PKHD1L1: variants seen among roughly 807,000 people sequenced by gnomAD.
PKHD1L1 encodes PKHD1 like 1.
PKHD1L1 carries 434 observed loss-of-function variants against 462.9 expected under a neutral mutation model. The ratio of observed to expected loss-of-function variants is 0.94; its 90% CI spans 0.87 to 1.02. The LOEUF (loss-of-function observed/expected upper bound fraction) is 1.02, where lower values mean the gene tolerates loss of function less well. Among genes scored for constraint, PKHD1L1 ranks in the 50% least tolerant of loss-of-function variants. The probability of loss-of-function intolerance (pLI) is 0.00; values close to 1 mark genes in which losing one functional copy is unlikely to be tolerated. For missense variants in PKHD1L1, 5,202 were observed against 5,096.1 expected, an observed-to-expected ratio of 1.02 and a Z score of -0.63; for synonymous variants, 1,781 against 1,750.0, an observed-to-expected ratio of 1.02 and a Z score of -0.44.
At chr8:109,420,921 T>A (rs1192828989) in intron 23 of PKHD1L1, among the ~76,000 whole-genome samples, 1 of 152,046 alleles carries the variant, frequency 6.6e-6, no homozygotes, top group Admixed American at 6.6e-5. Context: ...AAAGTCATAT[T>A]TAAGTAGAGT....
In PKHD1L1 at chr8:109,440,806, G is replaced by C. The variant is rs886276282; in HGVS notation, c.4053G>C (p.Arg1351Ser). The C allele has an allele frequency of 6.2e-7, 1 of 1,613,012 alleles. No individual in the cohort carries two copies. Among genetic ancestry groups the C allele is most frequent in the Non-Finnish European group, 8.5e-7 (1 of 1,179,260 alleles). ...SLFGGTEITI[R>S]GFGFSTIPAE... is the part of the protein sequence containing the mutation. ...TTGGTGGAACTGAAATCACCATAAG[G>C]GGTTTTGGATTCAGCACAATACCAG... Residue 1351 changes from arginine to serine, a missense_variant, in exon 33 of 78, where the codon AGG becomes AGC. By Grantham distance (110) the Arg-to-Ser change is moderately radical. Coordinates refer to ENST00000378402, the MANE Select transcript of PKHD1L1 (RefSeq NM_177531.6).
At chr8:109,362,708 C>T in intron 1 of PKHD1L1, 55 bp downstream of exon 1, 2 of 1,534,464 alleles carry the variant, frequency 1.3e-6, no homozygotes, top group Non-Finnish European at 1.8e-6. Context: ...GTAGACACTA[C>T]CCCTGCTCCC....
chr8:109,462,734 G>A (rs183113288), intron 48 of PKHD1L1, among the ~76,000 whole-genome samples: 1 of 152,172 alleles, frequency 6.6e-6, no homozygotes, highest in East Asian at 1.9e-4. Context: ...TAGAGACGGA[G>A]TTTCACCATG....
chr8:109,462,036 C>G, intron 48 of PKHD1L1, 128 bp downstream of exon 48: 1 of 1,146,490 alleles, frequency 8.7e-7, no homozygotes, highest in Non-Finnish European at 1.2e-6. Context: ...CATAAGTAAA[C>G]AATTTTAATA....
chr8:109,365,986 A>T (rs1326862239), intron 2 of PKHD1L1, among the ~76,000 whole-genome samples: 1 of 152,162 alleles, frequency 6.6e-6, no homozygotes, highest in Non-Finnish European at 1.5e-5. Context: ...GAAGAAGAAG[A>T]AAAAAAGAAA....
Position 109,497,379 on chromosome 8 carries a change from G to GCC in PKHD1L1, c.10599+109_10599+110dup. The GCC allele has an allele frequency of 5.5e-6, 7 of 1,278,620 alleles. No homozygotes were observed. The South Asian group carries it at 1.1e-4, about 20-fold the overall frequency. 79.2% of individuals were successfully genotyped at this position (1,278,620 alleles called of 1,614,324 possible). A position where few individuals can be genotyped will look rare whatever the true frequency, so the allele number is the denominator to read the frequency against. ...TCTCCTTAACTTCTATCTCTGTCTCGCCCACACCTCCCTGCCTTTGTTCCC... is the reference window on the plus strand; with the variant it reads ...TCTCCTTAACTTCTATCTCTGTCTCGCCCCCACACCTCCCTGCCTTTGTTCCC... On this transcript the variant is annotated intron_variant, in intron 65 of 77. Transcript: ENST00000378402.
At chr8:109,420,714 T>C in intron 23 of PKHD1L1, 24 bp downstream of exon 23, 1 of 1,467,022 alleles carries the variant, frequency 6.8e-7, no homozygotes, top group East Asian at 2.5e-5. Flanking sequence ...TTTGCATTAA[T>C]TTTTATGTAG....
In PKHD1L1 at chr8:109,523,321, G is replaced by T. The variant is rs1312194991; in HGVS notation, c.12419G>T (p.Gly4140Val). 6.2e-7 allele frequency: 1 copy of T among 1,612,970 alleles called. No individual in the cohort carries two copies. The highest frequency in any genetic ancestry group is 1.1e-5 in the South Asian group (1 of 91,052). Residue 4140 changes from glycine (G) to valine (V), a missense_variant, in exon 76 of 78, where the codon GGA becomes GTA. By Grantham distance (109) the Gly-to-Val change is moderately radical (BLOSUM62 -3). This residue lies in a region of PKHD1L1 where 698 missense variants were observed against 736.3 expected (regional missense o/e 0.95). Transcript: ENST00000378402. Reference sequence around the variant, plus strand: ...AATAACCAAGTCAATGGCCTTAGTGGAAATACAACAATTCCGTTTAGCAGC... The same window carrying T: ...AATAACCAAGTCAATGGCCTTAGTGTAAATACAACAATTCCGTTTAGCAGC... ...SNNNQVNGLS[G>V]NTTIPFSSCW...
At chr8:109,477,149 A>C (rs958250140) in intron 52 of PKHD1L1, 76 bp from the exon 53 acceptor site, 12 of 1,491,108 alleles carry the variant, frequency 8.0e-6, no homozygotes, top group Non-Finnish European at 1.1e-5. Flanking sequence ...AACATTTTCC[A>C]AAATTCCATA....
intron 12 of PKHD1L1, among the ~76,000 whole-genome samples, chr8:109,399,278 T>C (rs1813131197): frequency 6.6e-6 from 1 of 152,194 alleles, no homozygotes; most frequent in South Asian, 2.1e-4. Context: ...CACTAGACAC[T>C]GCTTCTGTGA....
At chr8:109,407,985 T>C (rs1416422952) in intron 17 of PKHD1L1, 64 bp from the exon 18 acceptor site, 1 of 1,085,190 alleles carries the variant, frequency 9.2e-7, no homozygotes, top group African/African-American at 1.6e-5. Context: ...ATAAAATATA[T>C]AGTTTTATAT....
At chr8:109,399,989 A>T (rs1813187255) in intron 12 of PKHD1L1, 87 bp from the exon 13 acceptor site, 1 of 1,371,710 alleles carries the variant, frequency 7.3e-7, no homozygotes, top group Non-Finnish European at 9.9e-7. Flanking sequence ...TGATATACAA[A>T]ATCTATAACC....
intron 76 of PKHD1L1, among the ~76,000 whole-genome samples, chr8:109,523,731 C>A (rs1345710377): frequency 6.6e-6 from 1 of 152,114 alleles, no homozygotes; most frequent in African/African-American, 2.4e-5. Flanking sequence ...AAGGTAGGCT[C>A]ATATAACTTT....
intron 28 of PKHD1L1, among the ~76,000 whole-genome samples, chr8:109,434,721 A>G (rs1434267942): frequency 6.6e-6 from 1 of 152,126 alleles, no homozygotes; most frequent in Non-Finnish European, 1.5e-5. Context: ...CACCCGCCTC[A>G]GCCTTCTAAA....
rs544259361 is a variant in PKHD1L1 at position 109,391,760 on chromosome 8, T to C, written c.740+1266T>C. 6.6e-5 allele frequency among the ~76,000 whole-genome samples: 10 copies of C among 152,322 alleles called. No homozygotes were observed. The East Asian group carries it at 1.9e-3, about 29-fold the overall frequency. On this transcript the variant is annotated intron_variant, in intron 9 of 77. Transcript: ENST00000378402. ...CAATCTAAGTAGATGTTATTCCTAG[T>C]AGCACTCACAGACTACAAGTGAAGG...
intron 9 of PKHD1L1, among the ~76,000 whole-genome samples, chr8:109,393,469 A>G (rs978110856): frequency 1.3e-5 from 2 of 152,226 alleles, no homozygotes; most frequent in Non-Finnish European, 2.9e-5. Flanking sequence ...GTATAAGTGT[A>G]TATGTATGAA....
At chr8:109,438,533 T>C (rs1223334837) in intron 31 of PKHD1L1, 77 bp downstream of exon 31, 25 of 1,339,336 alleles carry the variant, frequency 1.9e-5, no homozygotes, top group Non-Finnish European at 2.4e-5. Flanking sequence ...TGAAGCATAG[T>C]TTCTTCTGTA....
At position 109,445,238 on chromosome 8, in the gene PKHD1L1, C is replaced by A. The variant is rs2130759425; in HGVS notation, c.5369C>A (p.Ala1790Glu). 4.3e-6 allele frequency: 7 copies of A among 1,613,972 alleles called. No individual in the cohort carries two copies. Among genetic ancestry groups the A allele is most frequent in the East Asian group, 2.2e-5 (1 of 44,878 alleles). The change falls in exon 38 of 78, where the codon GCA becomes GAA. Residue 1790 changes from alanine (A) to glutamate (E), a missense_variant. Ala to Glu is a moderately radical substitution (Grantham distance 107). Transcript: ENST00000378402. ...TTCATTGGAAATCAACAGTTCAGAG[C>A]AATAGAGGTTAATGAAAACAACATC... Reference protein sequence around the residue: ...AVFIGNQQFRAIEVNENNITA... With the variant: ...AVFIGNQQFREIEVNENNITA...
In PKHD1L1 at chr8:109,464,361, A is replaced by G. The variant is rs779261428; in HGVS notation, c.7529A>G (p.His2510Arg). The G allele has an allele frequency of 1.9e-6, 3 of 1,613,390 alleles. No individual in the cohort carries two copies. The highest frequency in any genetic ancestry group is 2.5e-6 in the Non-Finnish European group (3 of 1,179,612). The change falls in exon 49 of 78, where the codon CAT becomes CGT. Residue 2510 changes from histidine to arginine, a missense_variant. By Grantham distance (29) the His-to-Arg change is conservative. This residue lies in a region of PKHD1L1 where 4,497 missense variants were observed against 4,336.8 expected (regional missense o/e 1.04). Coordinates refer to ENST00000378402, the MANE Select transcript of PKHD1L1 (RefSeq NM_177531.6). ...GCTGTTACTATTCATAACACACACCATCTTCTGGTTGAGAGGAATATTATA... is the reference window on the plus strand; with the variant it reads ...GCTGTTACTATTCATAACACACACCGTCTTCTGGTTGAGAGGAATATTATA... Reference protein sequence around the residue: ...NRAVTIHNTHHLLVERNIIYD... With the variant: ...NRAVTIHNTHRLLVERNIIYD...
Sources: allele counts gnomAD v4.1 joint callset (sites outside exome capture counted in the v4.1 genomes callset), GRCh38; gene constraint gnomAD v4.1.1; regional missense constraint gnomAD v4.1.1; transcripts MANE v1.5; gene names NCBI Gene and HGNC (gene_info 2026-07-23, HGNC 2026-07-21).